RAB3C: variants seen among roughly 807,000 people sequenced by gnomAD.
RAB3C encodes the protein ras-related protein Rab-3C.
In RAB3C, 17 loss-of-function variants were observed where a neutral mutation model predicts 26.4. The observed-to-expected ratio is 0.64, with a 90% CI of 0.44 to 0.97. The LOEUF is 0.97. Ranked by LOEUF, RAB3C falls within the 50% of genes least tolerant of loss-of-function variation. The probability of loss-of-function intolerance (pLI) is 0.00; values close to 1 mark genes in which losing one functional copy is unlikely to be tolerated. For synonymous variants in RAB3C, 91 were observed against 95.9 expected (o/e 0.95, Z 0.30); for missense variants, 242 against 281.9 (o/e 0.86, Z 1.01).
intron 2 of RAB3C, among the ~76,000 whole-genome samples, chr5:58,693,598 G>A (rs945974780): frequency 2.6e-5 from 4 of 152,026 alleles, no homozygotes; most frequent in Non-Finnish European, 5.9e-5. Flanking sequence ...CTGAGAAATT[G>A]AAAAGTGACT....
At chr5:58,736,729 T>C (rs1741145247) in intron 3 of RAB3C, among the ~76,000 whole-genome samples, 1 of 152,326 alleles carries the variant, frequency 6.6e-6, no homozygotes, top group Non-Finnish European at 1.5e-5. Context: ...CTTAACTTCA[T>C]CTGCAAAGAC....
intron 3 of RAB3C, chr5:58,822,829 C>T (rs1272131328): frequency 8.0e-6 from 5 of 626,032 alleles, no homozygotes; most frequent in East Asian, 3.6e-5. Context: ...CACTGGCCCA[C>T]GGGCTTCTCG....
At chr5:58,795,416 C>T (rs988353606) in intron 3 of RAB3C, among the ~76,000 whole-genome samples, 1 of 152,210 alleles carries the variant, frequency 6.6e-6, no homozygotes, top group African/African-American at 2.4e-5. Flanking sequence ...CATTTCCATT[C>T]TATCACCTGG....
chr5:58,628,156 C>CAA (rs58277302), intron 2 of RAB3C, among the ~76,000 whole-genome samples: 1,685 of 71,142 alleles, frequency 0.024, 118 homozygotes, highest in East Asian at 0.039. Flanking sequence ...GACTCCGTCT[C>CAA]AAAAAAAAAA....
intron 2 of RAB3C, among the ~76,000 whole-genome samples, chr5:58,721,557 G>GT (rs1579878853): frequency 6.6e-6 from 1 of 151,660 alleles, no homozygotes; most frequent in East Asian, 1.9e-4. Context: ...ATTATAAAAT[G>GT]TTTTTTTCTT....
At chr5:58,757,721 G>C (rs975597706) in intron 3 of RAB3C, among the ~76,000 whole-genome samples, 1 of 152,192 alleles carries the variant, frequency 6.6e-6, no homozygotes, top group Non-Finnish European at 1.5e-5. Flanking sequence ...GTCTGAAAGA[G>C]ACAGTTTAAA....
chr5:58,697,465 T>C lies in RAB3C; in HGVS notation c.253-28537T>C, dbSNP rs548398907. Among the ~76,000 whole-genome samples, 7 of 152,330 alleles carry C rather than the reference T, an allele frequency of 4.6e-5. No homozygotes were observed. In the South Asian group the frequency reaches 1.0e-3, roughly 23 times the overall value. On this transcript the variant is annotated intron_variant, in intron 2 of 4. Transcript: ENST00000282878. ...TGCTCGTTGCAGAGCTGAGTTCAGGTCCTGGATATCCTTGTTAAGCTTCTG... is the reference window on the plus strand; with the variant it reads ...TGCTCGTTGCAGAGCTGAGTTCAGGCCCTGGATATCCTTGTTAAGCTTCTG...
chr5:58,793,151 CCT>C (rs1202027987), intron 3 of RAB3C, among the ~76,000 whole-genome samples: 5 of 152,128 alleles, frequency 3.3e-5, no homozygotes, highest in African/African-American at 1.2e-4. Context: ...CAGCCTCAAA[CCT>C]CTCAGTGGGC....
intron 1 of RAB3C, among the ~76,000 whole-genome samples, chr5:58,602,820 G>A (rs1317325981): frequency 6.6e-6 from 1 of 152,132 alleles, no homozygotes; most frequent in Non-Finnish European, 1.5e-5. Flanking sequence ...ATTAAGTGGA[G>A]CATTAAGGCC....
At chr5:58,845,636 GTA>G (rs1561150632) in intron 4 of RAB3C, among the ~76,000 whole-genome samples, 3 of 109,020 alleles carry the variant, frequency 2.8e-5, no homozygotes, top group Non-Finnish European at 6.1e-5. Context: ...GTGTGTATAT[GTA>G]TATATACATA....
intron 2 of RAB3C, among the ~76,000 whole-genome samples, chr5:58,725,024 C>T (rs1214864019): frequency 6.6e-6 from 1 of 151,770 alleles, no homozygotes; most frequent in African/African-American, 2.4e-5. Context: ...CTTAATTTTA[C>T]CAGTGGGTTT....
chr5:58,811,428 CA>C (rs1046221102), intron 3 of RAB3C, among the ~76,000 whole-genome samples: 1 of 151,738 alleles, frequency 6.6e-6, no homozygotes, highest in Admixed American at 6.6e-5. Flanking sequence ...TTATGACAAT[CA>C]ATTAAAAAAA....
chr5:58,797,339 C>CAA (rs1206716376), intron 3 of RAB3C, among the ~76,000 whole-genome samples: 12 of 12,752 alleles, frequency 9.4e-4, no homozygotes, highest in African/African-American at 1.5e-3. Flanking sequence ...CCCTGGAAGA[C>CAA]AAAAAAAAAA....
At chr5:58,680,046 T>G (rs1199323516) in intron 2 of RAB3C, among the ~76,000 whole-genome samples, 1 of 152,164 alleles carries the variant, frequency 6.6e-6, no homozygotes, top group Non-Finnish European at 1.5e-5. Flanking sequence ...ATTTATAAAC[T>G]GAAATAAACA....
intron 2 of RAB3C, among the ~76,000 whole-genome samples, chr5:58,703,219 G>T (rs1694706784): frequency 1.3e-5 from 2 of 151,994 alleles, no homozygotes; most frequent in African/African-American, 4.8e-5. Flanking sequence ...TTTCGTTCTT[G>T]TTGCCCAGGC....
At chr5:58,801,305 T>A (rs938459626) in intron 3 of RAB3C, among the ~76,000 whole-genome samples, 1 of 152,146 alleles carries the variant, frequency 6.6e-6, no homozygotes, top group Non-Finnish European at 1.5e-5. Context: ...CGATGAACGA[T>A]GGGATGAGGA....
intron 1 of RAB3C, among the ~76,000 whole-genome samples, chr5:58,609,662 T>C (rs1746653604): frequency 6.6e-6 from 1 of 152,196 alleles, no homozygotes; most frequent in Non-Finnish European, 1.5e-5. Context: ...AATGCCTTTA[T>C]ACCTTTAAAA....
At chr5:58,747,892 C>T (rs1741433452) in intron 3 of RAB3C, among the ~76,000 whole-genome samples, 1 of 151,816 alleles carries the variant, frequency 6.6e-6, no homozygotes, top group South Asian at 2.1e-4. Context: ...TTGCCCAATC[C>T]CCTTCCTTAT....
At position 58,684,828 on chromosome 5, in the gene RAB3C, T is replaced by C. The variant is rs188452019; in HGVS notation, c.253-41174T>C. 7.2e-5 allele frequency among the ~76,000 whole-genome samples: 11 copies of C among 152,262 alleles called. No individual in the cohort carries two copies. In the East Asian group the frequency reaches 2.1e-3, roughly 29 times the overall value. On this transcript the variant is annotated intron_variant, in intron 2 of 4. Coordinates refer to ENST00000282878, the MANE Select transcript of RAB3C (RefSeq NM_138453.4). ...TTTGCCCTTGGCTGGCTGCATGCAT[T>C]AGGGAAGATTTTACCGCCATGTGGG...
Sources: gnomAD v4.1 joint callset for allele counts (sites outside exome capture counted in the v4.1 genomes callset) on GRCh38, gnomAD v4.1.1 for gene constraint, MANE v1.5 for transcripts, NCBI Gene and HGNC (gene_info 2026-07-23, HGNC 2026-07-21) for gene names.